CACNB2: variants seen among roughly 807,000 people sequenced by gnomAD.
CACNB2 encodes calcium voltage-gated channel auxiliary subunit beta 2, also known as voltage-dependent L-type calcium channel subunit beta-2.
A neutral mutation model predicts 73.3 loss-of-function variants in CACNB2; 42 were observed. The observed-to-expected ratio is 0.57, with a 90% CI of 0.45 to 0.74. The LOEUF (loss-of-function observed/expected upper bound fraction) is 0.74, where lower values mean the gene tolerates loss of function less well. CACNB2 is among the 30% of genes least tolerant of loss of function. CACNB2 has a pLI of 0.00. For synonymous variants in CACNB2, 348 were observed against 310.3 expected (o/e 1.12, Z -1.28); for missense variants, 940 against 853.0 (o/e 1.10, Z -1.27).
intron 2 of CACNB2, among the ~76,000 whole-genome samples, chr10:18,325,024 C>T (rs2040528285): frequency 6.6e-6 from 1 of 152,232 alleles, no homozygotes; most frequent in African/African-American, 2.4e-5. Flanking sequence ...TGGATTACTG[C>T]TCTGCTATTA....
chr10:18,195,557 G>C lies in CACNB2; in HGVS notation c.213+44582G>C, dbSNP rs16916953. On this transcript the variant is annotated intron_variant, in intron 2 of 13. Transcript: ENST00000324631. ...CATAAATGCATTCCACTCATCAAGA[G>C]AGCGTGGATTATGAGCTCCTGGCTC... Among the ~76,000 whole-genome samples the C allele has an allele frequency of 3.4e-3, 521 of 152,342 alleles. 10 individuals are homozygous for C. In the East Asian group the frequency reaches 0.062, roughly 18 times the overall value.
intron 3 of CACNB2, among the ~76,000 whole-genome samples, chr10:18,463,584 G>GTT (rs869153577): frequency 2.1e-5 from 2 of 93,284 alleles, no homozygotes; most frequent in South Asian, 7.6e-4. Context: ...CCTGCTAGTT[G>GTT]TTTTTTTTTT....
rs576177959 is a variant in CACNB2 at position 18,341,314 on chromosome 10, C to G, written c.214-60610C>G. Among the ~76,000 whole-genome samples the G allele has an allele frequency of 5.3e-5, 8 of 152,184 alleles. No individual in the cohort carries two copies. The South Asian group carries it at 1.5e-3, about 28-fold the overall frequency. Reference sequence around the variant, plus strand: ...TTGTCTTGAGTATCACTCTGACAGCCTAGCCACTGACTTCTTGTGTGTCTG... The same window carrying G: ...TTGTCTTGAGTATCACTCTGACAGCGTAGCCACTGACTTCTTGTGTGTCTG... On this transcript the variant is annotated intron_variant, in intron 2 of 13. Coordinates refer to ENST00000324631, the MANE Select transcript of CACNB2 (RefSeq NM_201596.3).
intron 2 of CACNB2, among the ~76,000 whole-genome samples, chr10:18,188,746 A>G (rs2034264206): frequency 6.6e-6 from 1 of 152,210 alleles, no homozygotes; most frequent in Non-Finnish European, 1.5e-5. Flanking sequence ...CATGGAAGGG[A>G]TATTTTGAAT....
At chr10:18,262,852 T>A (rs961027206) in intron 2 of CACNB2, among the ~76,000 whole-genome samples, 3 of 152,228 alleles carry the variant, frequency 2.0e-5, no homozygotes, top group Non-Finnish European at 4.4e-5. Context: ...TTATTTTAGT[T>A]CTTCTTCTTA....
chr10:18,260,648 G>A, intron 2 of CACNB2: 1 of 987,488 alleles, frequency 1.0e-6, no homozygotes, highest in Non-Finnish European at 1.2e-6. Context: ...GGGGAGGAGG[G>A]AGAAGTAGCA....
intron 5 of CACNB2, among the ~76,000 whole-genome samples, chr10:18,501,929 T>C (rs10741083): frequency 0.38 from 58,404 of 152,138 alleles, 11,365 homozygotes; most frequent in East Asian, 0.53. Context: ...CACCCCAGAA[T>C]TGACTTTCAT....
chr10:18,153,253 G>A (rs999696816), intron 2 of CACNB2, among the ~76,000 whole-genome samples: 28 of 152,196 alleles, frequency 1.8e-4, no homozygotes, highest in African/African-American at 6.3e-4. Context: ...ATATCAATAG[G>A]ACGAGGTGTT....
intron 3 of CACNB2, among the ~76,000 whole-genome samples, chr10:18,478,905 G>T (rs1113372): frequency 0.12 from 18,680 of 152,064 alleles, 1,298 homozygotes; most frequent in Admixed American, 0.18. Flanking sequence ...GGAGGGATGT[G>T]GGGGACCTTG....
chr10:18,518,080 T>A (rs1417761354), intron 7 of CACNB2, among the ~76,000 whole-genome samples: 1 of 152,224 alleles, frequency 6.6e-6, no homozygotes, highest in East Asian at 1.9e-4. Context: ...CAGCATCTCT[T>A]GCTTTAGGAA....
intron 2 of CACNB2, among the ~76,000 whole-genome samples, chr10:18,220,868 C>A (rs770340001): frequency 6.6e-6 from 1 of 152,196 alleles, no homozygotes; most frequent in East Asian, 1.9e-4. Flanking sequence ...CTACAATCCC[C>A]CCTAGTCCGT....
At chr10:18,528,705 G>T (rs200681646) in intron 10 of CACNB2, among the ~76,000 whole-genome samples, 5 of 18,292 alleles carry the variant, frequency 2.7e-4, no homozygotes, top group Non-Finnish European at 4.0e-4. Flanking sequence ...CAAAACTTCA[G>T]TAACAGGTTT....
intron 3 of CACNB2, among the ~76,000 whole-genome samples, chr10:18,414,483 C>CTTTTTTTTTTTTTT (rs11384501): frequency 1.5e-5 from 2 of 132,178 alleles, no homozygotes; most frequent in Non-Finnish European, 1.6e-5. Context: ...TTACTACTAC[C>CTTTTTTTTTTTTTT]TTTTTTTTTT....
rs539054870 is a variant in CACNB2, at chr10:18,495,146, G to C, written c.334-3209G>C. Reference sequence around the variant, plus strand: ...TTTTGTACAAACATTTTTCAAAGCAGAATATTTTTCATACTGAATAATGTT... The same window carrying C: ...TTTTGTACAAACATTTTTCAAAGCACAATATTTTTCATACTGAATAATGTT... On this transcript the variant is annotated intron_variant, in intron 3 of 13. Transcript: ENST00000324631. Among the ~76,000 whole-genome samples the C allele has an allele frequency of 9.2e-5, 14 of 151,724 alleles. No individual in the cohort carries two copies. In the East Asian group the frequency reaches 2.7e-3, roughly 29 times the overall value.
intron 3 of CACNB2, among the ~76,000 whole-genome samples, chr10:18,464,932 A>G (rs1298761409): frequency 6.6e-6 from 1 of 152,242 alleles, no homozygotes; most frequent in African/African-American, 2.4e-5. Flanking sequence ...ATTCAACAGA[A>G]TGGGGCAGAT....
At chr10:18,381,944 A>C (rs1163661792) in intron 2 of CACNB2, among the ~76,000 whole-genome samples, 2 of 152,018 alleles carry the variant, frequency 1.3e-5, no homozygotes, top group Non-Finnish European at 2.9e-5. Flanking sequence ...CATCATATGG[A>C]CATGTTCTTT....
chr10:18,205,861 A>G (rs900301395), intron 2 of CACNB2, among the ~76,000 whole-genome samples: 8 of 152,190 alleles, frequency 5.3e-5, no homozygotes, highest in Non-Finnish European at 8.8e-5. Context: ...AGAGACAGGA[A>G]GGCATCTTTG....
chr10:18,367,276 C>T (rs1352958488), intron 2 of CACNB2, among the ~76,000 whole-genome samples: 1 of 151,624 alleles, frequency 6.6e-6, no homozygotes, highest in African/African-American at 2.4e-5. Context: ...TTGAAATGAA[C>T]ACATTTTATA....
intron 10 of CACNB2, among the ~76,000 whole-genome samples, chr10:18,528,704 AG>A (rs11366888): frequency 0.66 from 100,971 of 152,064 alleles, 34,095 homozygotes; most frequent in East Asian, 0.97. Context: ...GCAAAACTTC[AG>A]TAACAGGTTT....
Sources: gnomAD v4.1 joint callset for allele counts (sites outside exome capture counted in the v4.1 genomes callset) on GRCh38, gnomAD v4.1.1 for gene constraint, MANE v1.5 for transcripts, NCBI Gene and HGNC (gene_info 2026-07-23, HGNC 2026-07-21) for gene names.